The following ECT2L variants were observed in gnomAD, a reference collection of about 807,000 sequenced individuals.
The protein encoded by ECT2L is epithelial cell-transforming sequence 2 oncogene-like.
In ECT2L, 126 loss-of-function variants were observed where a neutral mutation model predicts 122.8. The ratio of observed to expected loss-of-function variants is 1.03; its 90% CI spans 0.89 to 1.19. ECT2L has a LOEUF of 1.19. ECT2L is among the 50% of genes most tolerant of loss of function. ECT2L has a pLI of 0.00. For missense variants in ECT2L, 1,012 were observed against 1,064.1 expected (o/e 0.95, Z 0.68); for synonymous variants, 385 against 381.8 (o/e 1.01, Z -0.10).
intron 7 of ECT2L, 38 bp downstream of exon 7, chr6:138,844,618 C>T: frequency 6.3e-7 from 1 of 1,582,316 alleles, no homozygotes; most frequent in Admixed American, 1.7e-5. Context: ...TCAACACCAT[C>T]CCAATACCAA....
rs1162497716 is a variant in ECT2L at position 138,807,121 on chromosome 6, T to C, written c.-243-5717T>C. ...GTTTTGCTGTCCCAGGGGTATTTTT[T>C]TTTTTTTAACTCCACTAATGGTTGT... On this transcript the variant is annotated intron_variant, in intron 1 of 21. Coordinates refer to ENST00000541398, the MANE Select transcript of ECT2L (RefSeq NM_001077706.3). 4.0e-5 allele frequency among the ~76,000 whole-genome samples: 6 copies of C among 151,402 alleles called. No individual in the cohort carries two copies. In the East Asian group the frequency reaches 7.8e-4, roughly 20 times the overall value.
chr6:138,860,602 T>C (rs1308450345), intron 10 of ECT2L, among the ~76,000 whole-genome samples: 1 of 152,210 alleles, frequency 6.6e-6, no homozygotes, highest in Non-Finnish European at 1.5e-5. Flanking sequence ...TTATTTATTC[T>C]TGGACCACAA....
At chr6:138,892,024 A>G (rs925313744) in intron 20 of ECT2L, among the ~76,000 whole-genome samples, 1 of 152,104 alleles carries the variant, frequency 6.6e-6, no homozygotes, top group African/African-American at 2.4e-5. Flanking sequence ...ATTACTCCAG[A>G]TATTTCTTCT....
At position 138,848,262 on chromosome 6, in the gene ECT2L, A is replaced by G. The variant is rs953087216; in HGVS notation, c.904-1007A>G. ...ATTTTTGTTGAATTGAATTTGTTGC[A>G]TTTAATCCAAAAAAGGAGCATGCTG... is the stretch of plus-strand genomic sequence containing the variant. On this transcript the variant is annotated intron_variant, in intron 8 of 21. Transcript: ENST00000541398. Among the ~76,000 whole-genome samples the G allele has an allele frequency of 2.0e-5, 3 of 152,202 alleles. No homozygotes were observed. In the East Asian group the frequency reaches 5.8e-4, roughly 29 times the overall value.
intron 13 of ECT2L, among the ~76,000 whole-genome samples, chr6:138,873,505 C>A (rs1216966309): frequency 6.6e-6 from 1 of 152,204 alleles, no homozygotes; most frequent in Non-Finnish European, 1.5e-5. Flanking sequence ...GCTTTAAAGA[C>A]CCTTCCAGCC....
chr6:138,880,990 C>T lies in ECT2L; in HGVS notation c.1699C>T (p.Arg567Ter), dbSNP rs200519034. 82 of 1,614,020 alleles carry T rather than the reference C, an allele frequency of 5.1e-5. No homozygotes were observed. In the Admixed American group the frequency reaches 8.5e-4, roughly 17 times the overall value. ...RILQKDSAEK[R>*]ARVVRELLQS... ...ACTCCAGAAGGACTCAGCAGAAAAG[C>T]GAGCTAGAGTTGTCAGAGAACTCTT... Residue 567 changes from arginine to a stop codon, truncating the protein, a stop_gained, in exon 15 of 22, where the codon CGA becomes TGA. Transcript: ENST00000541398. LOFTEE classifies it high-confidence loss of function.
chr6:138,805,538 T>G (rs1351591350), intron 1 of ECT2L, among the ~76,000 whole-genome samples: 1 of 152,204 alleles, frequency 6.6e-6, no homozygotes, highest in Admixed American at 6.5e-5. Context: ...TGGCCTCAGC[T>G]GGGCAGTTCT....
chr6:138,844,672 T>C (rs1777160179), intron 7 of ECT2L, 92 bp downstream of exon 7: 1 of 1,206,776 alleles, frequency 8.3e-7, no homozygotes, highest in Admixed American at 2.2e-5. Context: ...AGAAATCTTG[T>C]GTAATTCTGT....
At chr6:138,859,972 G>A (rs73557284) in intron 10 of ECT2L, among the ~76,000 whole-genome samples, 10,649 of 151,816 alleles carry the variant, frequency 0.07, 450 homozygotes, top group East Asian at 0.17. Context: ...ACAGATGCCC[G>A]CCACCATGCC....
chr6:138,878,057 A>T (rs1356636023), intron 14 of ECT2L, among the ~76,000 whole-genome samples: 2 of 152,228 alleles, frequency 1.3e-5, no homozygotes, highest in Non-Finnish European at 2.9e-5. Context: ...AAGATCACAT[A>T]GCATTACACA....
rs949908347 is a variant in ECT2L, at chr6:138,849,452, C to G, written c.1069+18C>G. ...ACTCCAAGGTAGGCCTGGGGATTGGCGGATGAACAACCATGGAACTTCGCG... is the reference window on the plus strand; with the variant it reads ...ACTCCAAGGTAGGCCTGGGGATTGGGGGATGAACAACCATGGAACTTCGCG... On this transcript the variant is annotated intron_variant, in intron 9 of 21. Transcript: ENST00000541398. 6.9e-6 allele frequency: 11 copies of G among 1,604,666 alleles called. No homozygotes were observed. The highest frequency in any genetic ancestry group is 1.7e-4 in the Middle Eastern group (1 of 5,906).
rs1366785501 is a variant in ECT2L at position 138,849,407 on chromosome 6, G to A, written c.1042G>A (p.Asp348Asn). 1.1e-5 allele frequency: 18 copies of A among 1,613,572 alleles called. No individual in the cohort carries two copies. The highest frequency in any genetic ancestry group is 1.4e-5 in the Non-Finnish European group (17 of 1,179,872). The change falls in exon 9 of 22, where the codon GAC becomes AAC. Residue 348 changes from aspartate to asparagine, a missense_variant. Asp to Asn is a conservative substitution (Grantham distance 23). Coordinates refer to ENST00000541398, the MANE Select transcript of ECT2L (RefSeq NM_001077706.3). ...GAGCATCGGAATATTTAGCGATGGA[G>A]ACAGCAGAGAAATCAATTTACTCCA... ...AQSIGIFSDG[D>N]SREINLLQGY...
intron 14 of ECT2L, chr6:138,879,213 G>C (rs1778567228): frequency 3.3e-6 from 1 of 305,894 alleles, no homozygotes; most frequent in Non-Finnish European, 6.6e-6. Context: ...AGTTTACTAA[G>C]TGGTGTATGC....
In ECT2L at chr6:138,893,807, A is replaced by C. The variant is rs113946125; in HGVS notation, c.2414+4776A>C. Among the ~76,000 whole-genome samples, 939 of 152,250 alleles carry C rather than the reference A, an allele frequency of 6.2e-3. 9 individuals carry two copies. The highest frequency in any genetic ancestry group is 0.021 in the African/African-American group (891 of 41,548). On this transcript the variant is annotated intron_variant, in intron 20 of 21. Coordinates refer to ENST00000541398, the MANE Select transcript of ECT2L (RefSeq NM_001077706.3). ...AACTCACACCATTGTGTGAGCCCAG[A>C]GTTATTAAATGCTAAAGCTAGTCCA...
chr6:138,885,688 TGC>T lies in ECT2L; in HGVS notation c.2118_2119del (p.Leu707ValfsTer7). The stretch of plus-strand genomic sequence containing the variant: ...GCCTCATACAGCCTGCCAGAGCTGC[TGC>T]TGTACCCATCCCGAAGATTTGAAGA... On this transcript the variant is annotated frameshift_variant, in exon 18 of 22. Coordinates refer to ENST00000541398, the MANE Select transcript of ECT2L (RefSeq NM_001077706.3). LOFTEE classifies it high-confidence loss of function. The T allele has an allele frequency of 6.2e-7, 1 of 1,614,170 alleles. No individual in the cohort carries two copies. The highest frequency in any genetic ancestry group is 8.5e-7 in the Non-Finnish European group (1 of 1,180,024).
chr6:138,870,926 G>A (rs1157274930), intron 13 of ECT2L, among the ~76,000 whole-genome samples: 1 of 152,074 alleles, frequency 6.6e-6, no homozygotes, highest in Non-Finnish European at 1.5e-5. Flanking sequence ...AGAATCACTT[G>A]AACCCAGGGG....
intron 6 of ECT2L, among the ~76,000 whole-genome samples, chr6:138,843,915 C>T (rs1232630800): frequency 6.6e-6 from 1 of 152,134 alleles, no homozygotes; most frequent in Non-Finnish European, 1.5e-5. Context: ...GTCCCGAATT[C>T]CTGGGCTCAA....
chr6:138,882,144 A>G (rs1778665519), intron 15 of ECT2L, among the ~76,000 whole-genome samples: 1 of 152,194 alleles, frequency 6.6e-6, no homozygotes. Context: ...GAGAAAAGTG[A>G]TCATTTCTGC....
chr6:138,807,066 G>C (rs574079090), intron 1 of ECT2L, among the ~76,000 whole-genome samples: 1 of 151,888 alleles, frequency 6.6e-6, no homozygotes, highest in African/African-American at 2.4e-5. Flanking sequence ...TGTTGAGTAG[G>C]CTGAGGAGGA....
Sources: gnomAD v4.1 joint callset for allele counts (sites outside exome capture counted in the v4.1 genomes callset) on GRCh38, gnomAD v4.1.1 for gene constraint, MANE v1.5 for transcripts, NCBI Gene and HGNC (gene_info 2026-07-23, HGNC 2026-07-21) for gene names.